The following MLLT3 variants were observed in gnomAD, a reference collection of about 807,000 sequenced individuals.
MLLT3 encodes the protein MLLT3 super elongation complex subunit, also known as protein AF-9.
In MLLT3, 4 loss-of-function variants were observed where a neutral mutation model predicts 53.2. That is an observed-to-expected ratio of 0.08 (90% confidence interval 0.04 to 0.17). The LOEUF (loss-of-function observed/expected upper bound fraction) is 0.17, where lower values mean the gene tolerates loss of function less well. Ranked by LOEUF, MLLT3 falls within the 10% of genes least tolerant of loss-of-function variation. The pLI, the probability that MLLT3 is intolerant of heterozygous loss-of-function variation, is 1.00. For missense variants in MLLT3, 569 were observed against 684.0 expected, an observed-to-expected ratio of 0.83 and a Z score of 1.87; for synonymous variants, 283 against 230.6, an observed-to-expected ratio of 1.23 and a Z score of -2.06.
At chr9:20,535,262 G>A (rs1420608081) in intron 2 of MLLT3, among the ~76,000 whole-genome samples, 1 of 152,194 alleles carries the variant, frequency 6.6e-6, no homozygotes, top group Non-Finnish European at 1.5e-5. Flanking sequence ...ATCTAATGAT[G>A]AATTTAATCT....
At chr9:20,404,880 T>C (rs1295169524) in intron 5 of MLLT3, among the ~76,000 whole-genome samples, 2 of 152,168 alleles carry the variant, frequency 1.3e-5, no homozygotes, top group African/African-American at 4.8e-5. Flanking sequence ...CCCACAAAGA[T>C]AATTGACTGG....
At chr9:20,531,079 CTT>C (rs371687632) in intron 2 of MLLT3, among the ~76,000 whole-genome samples, 115 of 125,196 alleles carry the variant, frequency 9.2e-4, no homozygotes, top group African/African-American at 2.2e-3. Flanking sequence ...TTGCTTTTAG[CTT>C]TTTTTTTTTT....
At chr9:20,454,573 A>C (rs186533388) in intron 3 of MLLT3, among the ~76,000 whole-genome samples, 2 of 152,240 alleles carry the variant, frequency 1.3e-5, no homozygotes, top group Non-Finnish European at 2.9e-5. Context: ...TGGTCTTCTC[A>C]TAAGAGATCA....
intron 2 of MLLT3, among the ~76,000 whole-genome samples, chr9:20,566,640 G>C (rs186672182): frequency 1.3e-5 from 2 of 152,248 alleles, no homozygotes; most frequent in African/African-American, 2.4e-5. Flanking sequence ...GCACCCTGCT[G>C]ATACAAATAG....
chr9:20,574,283 T>A (rs1458036590), intron 2 of MLLT3, among the ~76,000 whole-genome samples: 1 of 152,222 alleles, frequency 6.6e-6, no homozygotes, highest in Non-Finnish European at 1.5e-5. Flanking sequence ...GAATGAATCA[T>A]GTTCAAAGGA....
chr9:20,599,108 A>T (rs1182465123), intron 2 of MLLT3, among the ~76,000 whole-genome samples: 1 of 152,140 alleles, frequency 6.6e-6, no homozygotes, highest in Non-Finnish European at 1.5e-5. Context: ...GATCGAGACC[A>T]TGCTAGCCAA....
chr9:20,603,257 A>G (rs1168966677), intron 2 of MLLT3, among the ~76,000 whole-genome samples: 2 of 152,094 alleles, frequency 1.3e-5, no homozygotes, highest in Non-Finnish European at 2.9e-5. Flanking sequence ...GCCAACTCTT[A>G]TAAGTATATA....
rs912320145 is a variant in MLLT3 at position 20,621,340 on chromosome 9, G to A, written c.13-506C>T. 1.3e-5 allele frequency among the ~76,000 whole-genome samples: 2 copies of A among 152,142 alleles called. No individual in the cohort carries two copies. Among genetic ancestry groups the A allele is most frequent in the African/African-American group, 4.8e-5 (2 of 41,436 alleles). ...TGTGTGCGTGCGTGTGGAGCGCTGT[G>A]CCAGGCGAAATGGAAACTACAGGCA... On this transcript the variant is annotated intron_variant, in intron 1 of 10. Coordinates refer to ENST00000380338, the MANE Select transcript of MLLT3 (RefSeq NM_004529.4). The surrounding 1 kb of genome is among the most constrained non-coding windows in gnomAD (Gnocchi z 7.0).
chr9:20,553,221 T>C (rs1563814416), intron 2 of MLLT3, among the ~76,000 whole-genome samples: 1 of 152,200 alleles, frequency 6.6e-6, no homozygotes. Flanking sequence ...CCCTCATTTC[T>C]CGACACTAAA....
At chr9:20,375,515 G>A (rs1165137863) in intron 5 of MLLT3, among the ~76,000 whole-genome samples, 1 of 151,478 alleles carries the variant, frequency 6.6e-6, no homozygotes, top group East Asian at 1.9e-4. Context: ...GAGTTAATGT[G>A]TCTGATCCAT....
At chr9:20,460,723 T>C (rs183840594) in intron 2 of MLLT3, among the ~76,000 whole-genome samples, 55 of 152,360 alleles carry the variant, frequency 3.6e-4, no homozygotes, top group African/African-American at 1.2e-3. Flanking sequence ...AGACTCATGC[T>C]ACCCTTCACT....
chr9:20,467,118 AAGAG>A (rs1432003564), intron 2 of MLLT3, among the ~76,000 whole-genome samples: 2 of 152,148 alleles, frequency 1.3e-5, no homozygotes, highest in African/African-American at 4.8e-5. Context: ...AAAAAACAAA[AAGAG>A]AGAGAGAACC....
At chr9:20,545,856 CAAAAAAAAAAA>C (rs5896901) in intron 2 of MLLT3, among the ~76,000 whole-genome samples, 2 of 99,856 alleles carry the variant, frequency 2.0e-5, no homozygotes, top group East Asian at 2.8e-4. Flanking sequence ...CAGTCTCTAC[CAAAAAAAAAAA>C]AAAAAAAAAA....
intron 2 of MLLT3, among the ~76,000 whole-genome samples, chr9:20,599,460 A>C (rs928250511): frequency 2.4e-5 from 1 of 42,366 alleles, no homozygotes; most frequent in African/African-American, 8.8e-5. Context: ...CAGATGTTTA[A>C]AAAAAAAAAA....
chr9:20,357,285 T>C (rs1821194405), intron 8 of MLLT3, among the ~76,000 whole-genome samples: 2 of 152,322 alleles, frequency 1.3e-5, no homozygotes, highest in South Asian at 4.1e-4. Context: ...CTAAAAAAGA[T>C]GTGGTATTTT....
intron 2 of MLLT3, among the ~76,000 whole-genome samples, chr9:20,504,450 G>A (rs778315612): frequency 2.6e-5 from 4 of 151,880 alleles, no homozygotes; most frequent in African/African-American, 9.7e-5. Context: ...TCAACAACAT[G>A]AATGAACCTG....
At chr9:20,468,570 G>A (rs752639725) in intron 2 of MLLT3, among the ~76,000 whole-genome samples, 7 of 152,206 alleles carry the variant, frequency 4.6e-5, no homozygotes, top group Non-Finnish European at 1.0e-4. Context: ...AAATGGAAAT[G>A]TAATCTGAGT....
chr9:20,571,535 C>T (rs1468798012), intron 2 of MLLT3, among the ~76,000 whole-genome samples: 1 of 152,106 alleles, frequency 6.6e-6, no homozygotes, highest in African/African-American at 2.4e-5. Flanking sequence ...TGGTTTGCTG[C>T]ACCCATCAAC....
At chr9:20,579,516 T>A (rs12336614) in intron 2 of MLLT3, among the ~76,000 whole-genome samples, 2,311 of 152,132 alleles carry the variant, frequency 0.015, 64 homozygotes, top group African/African-American at 0.053. Context: ...TAAAAACATC[T>A]CTCCAAATAA....
Sources: gnomAD v4.1 joint callset for allele counts (sites outside exome capture counted in the v4.1 genomes callset) on GRCh38, gnomAD v4.1.1 for gene constraint, Gnocchi (gnomAD v3.1) non-coding constraint, MANE v1.5 for transcripts, NCBI Gene and HGNC (gene_info 2026-07-23, HGNC 2026-07-21) for gene names.